Variants in PRKN observed in about 807,000 individuals in gnomAD.
PRKN encodes E3 ubiquitin-protein ligase parkin.
PRKN carries 56 observed loss-of-function variants against 59.5 expected under a neutral mutation model. The observed-to-expected ratio is 0.94, with a 90% CI of 0.76 to 1.18. The LOEUF (loss-of-function observed/expected upper bound fraction) is 1.18, where lower values mean the gene tolerates loss of function less well. Ranked by LOEUF, PRKN falls within the 50% of genes most tolerant of loss-of-function variation. The pLI, the probability that PRKN is intolerant of heterozygous loss-of-function variation, is 0.00. For missense variants in PRKN, 657 were observed against 596.4 expected, an observed-to-expected ratio of 1.10 and a Z score of -1.06; for synonymous variants, 250 against 222.1, an observed-to-expected ratio of 1.13 and a Z score of -1.12.
chr6:162,335,627 T>C (rs1440325575), intron 2 of PRKN, among the ~76,000 whole-genome samples: 1 of 152,204 alleles, frequency 6.6e-6, no homozygotes, highest in Non-Finnish European at 1.5e-5. Flanking sequence ...TGAGATTAAA[T>C]TCTTTAAAAG....
At chr6:162,706,664 T>C (rs1268964578) in intron 1 of PRKN, among the ~76,000 whole-genome samples, 2 of 152,188 alleles carry the variant, frequency 1.3e-5, no homozygotes, top group East Asian at 1.9e-4. Context: ...GGGACCACAA[T>C]AGTGTCACTA....
At chr6:161,614,475 T>G (rs1416928601) in intron 7 of PRKN, among the ~76,000 whole-genome samples, 1 of 152,236 alleles carries the variant, frequency 6.6e-6, no homozygotes, top group Non-Finnish European at 1.5e-5. Context: ...CTTGCATTAG[T>G]AAGCACATGT....
At chr6:161,610,465 A>G (rs1328303711) in intron 7 of PRKN, among the ~76,000 whole-genome samples, 1 of 149,310 alleles carries the variant, frequency 6.7e-6, no homozygotes, top group Non-Finnish European at 1.5e-5. Flanking sequence ...ATATATAACT[A>G]AGAAAAATGT....
At chr6:162,041,922 T>TC (rs1286652209) in intron 5 of PRKN, among the ~76,000 whole-genome samples, 1 of 152,096 alleles carries the variant, frequency 6.6e-6, no homozygotes, top group East Asian at 1.9e-4. Context: ...GGCCACTTGT[T>TC]TAGAACAGTT....
chr6:162,451,254 A>G (rs1339338736), intron 1 of PRKN, among the ~76,000 whole-genome samples: 1 of 152,088 alleles, frequency 6.6e-6, no homozygotes, highest in Non-Finnish European at 1.5e-5. Context: ...ATGAAAGTAA[A>G]CCATTCTCGG....
At chr6:162,115,035 C>G (rs1486614804) in intron 4 of PRKN, among the ~76,000 whole-genome samples, 2 of 151,840 alleles carry the variant, frequency 1.3e-5, no homozygotes, top group Admixed American at 6.6e-5. Context: ...GCTATAAAGA[C>G]ACATGCACAC....
Position 162,443,355 on chromosome 6 carries a change from A to G in PRKN, c.126T>C (p.Arg42=), listed in dbSNP as rs1265045528. 1.2e-6 allele frequency: 2 copies of G among 1,613,296 alleles called. No homozygotes were observed. The highest frequency in any genetic ancestry group is 1.7e-6 in the Non-Finnish European group (2 of 1,180,004). The change falls in exon 2 of 12, where the codon CGT becomes CGC. Residue 42 remains arginine, a synonymous_variant. Transcript: ENST00000366898. ...TCAGCTCCTTCCCTGCGAAAATCAC[A>G]CGCAACTGGTCAGCCGGAACCCCCT... is the stretch of plus-strand genomic sequence containing the variant. ...KRQGVPADQL[R]VIFAGKELRN... is the part of the protein sequence containing the mutation.
In PRKN at chr6:161,349,510, T is replaced by C. The variant is rs1391569914; in HGVS notation, c.*589A>G. The C allele has an allele frequency of 4.3e-6, 1 of 233,786 alleles. No individual in the cohort carries two copies. The highest frequency in any genetic ancestry group is 8.4e-6 in the Non-Finnish European group (1 of 118,496). The allele number at this position is 233,786 out of a possible 1,614,324, so 14.5% of individuals were successfully genotyped here. A position where few individuals can be genotyped will look rare whatever the true frequency, so the allele number is the denominator to read the frequency against. The stretch of plus-strand genomic sequence containing the variant: ...GAATTCTTAAGGATAAACAAATGTT[T>C]TTGACTATTGCCTGGGGTTCTTTGG... On this transcript the variant is annotated 3_prime_UTR_variant, in exon 12 of 12. Coordinates refer to ENST00000366898, the MANE Select transcript of PRKN (RefSeq NM_004562.3). This position sits in a 1 kb window ranked among gnomAD's most constrained non-coding sequence, Gnocchi z 5.5.
At chr6:162,465,321 C>G (rs1791366112) in intron 1 of PRKN, among the ~76,000 whole-genome samples, 1 of 152,134 alleles carries the variant, frequency 6.6e-6, no homozygotes, top group Non-Finnish European at 1.5e-5. Context: ...TATTTTCCTT[C>G]AATTTTAGAA....
intron 2 of PRKN, among the ~76,000 whole-genome samples, chr6:162,301,787 G>C (rs918823397): frequency 8.6e-6 from 1 of 116,472 alleles, no homozygotes; most frequent in Non-Finnish European, 1.8e-5. Flanking sequence ...CCGGGGCGGG[G>C]GGGGGGTGCA....
At position 161,579,370 on chromosome 6, in the gene PRKN, G is replaced by T. The variant is rs1781253794; in HGVS notation, c.872-9954C>A. Among the ~76,000 whole-genome samples the T allele has an allele frequency of 6.6e-6, 1 of 152,212 alleles. No homozygotes were observed. Among genetic ancestry groups the T allele is most frequent in the Non-Finnish European group, 1.5e-5 (1 of 68,036 alleles). ...AAATAGGGTCTAGAGGGTCAGCGGG[G>T]CACCTAATTATCATGGTTAATGAGG... is the stretch of plus-strand genomic sequence containing the variant. On this transcript the variant is annotated intron_variant, in intron 7 of 11. Coordinates refer to ENST00000366898, the MANE Select transcript of PRKN (RefSeq NM_004562.3). This position sits in a 1 kb window ranked among gnomAD's most constrained non-coding sequence, Gnocchi z 4.2.
chr6:161,950,810 C>T (rs117066665), intron 6 of PRKN, among the ~76,000 whole-genome samples: 2,725 of 151,778 alleles, frequency 0.018, 129 homozygotes, highest in Admixed American at 0.11. Flanking sequence ...CATCACAGAA[C>T]ACGTGAAAAT....
intron 4 of PRKN, among the ~76,000 whole-genome samples, chr6:162,128,896 C>T (rs372474875): frequency 1.1e-4 from 16 of 152,302 alleles, no homozygotes; most frequent in African/African-American, 3.8e-4. Flanking sequence ...CTTGAAGTTC[C>T]AGCCTCCAGA....
intron 4 of PRKN, among the ~76,000 whole-genome samples, chr6:162,089,822 C>T (rs547771517): frequency 6.6e-6 from 1 of 152,230 alleles, no homozygotes; most frequent in South Asian, 2.1e-4. Context: ...AATAAATCTC[C>T]CAATTAGGCA....
intron 6 of PRKN, among the ~76,000 whole-genome samples, chr6:161,859,295 A>G (rs75783146): frequency 0.093 from 14,160 of 151,694 alleles, 980 homozygotes; most frequent in East Asian, 0.33. Flanking sequence ...CTCTTCTCAC[A>G]TTTCGGTTTT....
chr6:161,733,419 C>T (rs760139656), intron 7 of PRKN, among the ~76,000 whole-genome samples: 11 of 152,200 alleles, frequency 7.2e-5, no homozygotes, highest in Middle Eastern at 3.4e-3. Flanking sequence ...AAACAACACC[C>T]GGGTATAATC....
At chr6:162,633,330 G>C (rs1418155496) in intron 1 of PRKN, among the ~76,000 whole-genome samples, 1 of 149,170 alleles carries the variant, frequency 6.7e-6, no homozygotes, top group African/African-American at 2.5e-5. Context: ...AGTTATTTGG[G>C]AGGCTGAGGC....
At chr6:162,681,689 C>T (rs1187063376) in intron 1 of PRKN, among the ~76,000 whole-genome samples, 1 of 152,088 alleles carries the variant, frequency 6.6e-6, no homozygotes, top group Non-Finnish European at 1.5e-5. Flanking sequence ...ATAAAGCAAT[C>T]AATCAGATGT....
chr6:161,755,299 C>A (rs185609857), intron 7 of PRKN, among the ~76,000 whole-genome samples: 13 of 151,388 alleles, frequency 8.6e-5, no homozygotes, highest in Admixed American at 7.2e-4. Context: ...ATACTGCACC[C>A]ACGTGACAGT....
Sources: allele counts gnomAD v4.1 joint callset (sites outside exome capture counted in the v4.1 genomes callset), GRCh38; gene constraint gnomAD v4.1.1; non-coding constraint Gnocchi (gnomAD v3.1); transcripts MANE v1.5; gene names NCBI Gene and HGNC (gene_info 2026-07-23, HGNC 2026-07-21).